The following STK3 variants were observed in gnomAD, a reference collection of about 807,000 sequenced individuals.
STK3 encodes the protein serine/threonine kinase 3.
A neutral mutation model predicts 58.0 loss-of-function variants in STK3; 41 were observed. The observed-to-expected ratio is 0.71, with a 90% CI of 0.55 to 0.92. The LOEUF (loss-of-function observed/expected upper bound fraction) is 0.92, where lower values mean the gene tolerates loss of function less well. STK3 is among the 40% of genes least tolerant of loss of function. The probability of loss-of-function intolerance (pLI) is 0.00; values close to 1 mark genes in which losing one functional copy is unlikely to be tolerated. For synonymous variants in STK3, 170 were observed against 191.0 expected, an observed-to-expected ratio of 0.89 and a Z score of 0.91; for missense variants, 479 against 602.7, an observed-to-expected ratio of 0.79 and a Z score of 2.15.
chr8:98,644,430 T>C (rs942726860), intron 6 of STK3, among the ~76,000 whole-genome samples: 12 of 152,206 alleles, frequency 7.9e-5, no homozygotes, highest in African/African-American at 2.4e-4. Flanking sequence ...ATCCATTGTA[T>C]TGAATGCATT....
chr8:98,458,679 C>T (rs1204386386), intron 10 of STK3, among the ~76,000 whole-genome samples: 5 of 152,130 alleles, frequency 3.3e-5, no homozygotes, highest in Non-Finnish European at 7.4e-5. Context: ...GGGGCAGTTT[C>T]CCTCCATGCT....
chr8:98,770,197 G>A lies in STK3; in HGVS notation c.108-2826C>T, dbSNP rs1587569594. 2.0e-5 allele frequency among the ~76,000 whole-genome samples: 3 copies of A among 152,184 alleles called. No homozygotes were observed. The East Asian group carries it at 5.8e-4, about 29-fold the overall frequency. ...TGCCTGAAGACTCTATCTACCTCCT[G>A]AGGCAGTCACTTTTCAGCAGCATGC... On this transcript the variant is annotated intron_variant, in intron 2 of 10. Coordinates refer to ENST00000419617, the MANE Select transcript of STK3 (RefSeq NM_006281.4).
chr8:98,693,451 T>C (rs1030976213), intron 6 of STK3, among the ~76,000 whole-genome samples: 7 of 151,992 alleles, frequency 4.6e-5, no homozygotes, highest in African/African-American at 1.5e-4. Flanking sequence ...AATATGGAGA[T>C]GTAGGCAGAG....
At chr8:98,734,699 G>C (rs1057387278) in intron 4 of STK3, among the ~76,000 whole-genome samples, 1 of 151,980 alleles carries the variant, frequency 6.6e-6, no homozygotes. Flanking sequence ...TAAATGTTTC[G>C]AGATGTTTAA....
chr8:98,633,559 G>T, intron 6 of STK3: 1 of 732,150 alleles, frequency 1.4e-6, no homozygotes, highest in Non-Finnish European at 2.5e-6. Context: ...ATTCTCCAGA[G>T]GCTCTTCAGG....
chr8:98,556,497 T>C (rs1263818831), intron 8 of STK3, among the ~76,000 whole-genome samples: 1 of 151,950 alleles, frequency 6.6e-6, no homozygotes. Flanking sequence ...TGGGGTAAAA[T>C]TAGGGAAGAA....
At chr8:98,872,344 G>A (rs978155448) in intron 3 of STK3, among the ~76,000 whole-genome samples, 1 of 152,134 alleles carries the variant, frequency 6.6e-6, no homozygotes, top group Non-Finnish European at 1.5e-5. Context: ...GTATCAGGAT[G>A]ATGTTGGCCT....
At chr8:98,467,648 G>T (rs1376414434) in intron 10 of STK3, among the ~76,000 whole-genome samples, 1 of 151,806 alleles carries the variant, frequency 6.6e-6, no homozygotes, top group East Asian at 1.9e-4. Context: ...TATTTTTTCA[G>T]CATGTTTAAT....
chr8:98,384,379 A>C (rs1586543951), intron 1 of STK3, among the ~76,000 whole-genome samples: 1 of 152,104 alleles, frequency 6.6e-6, no homozygotes, highest in East Asian at 1.9e-4. Flanking sequence ...TTCTTACTCC[A>C]TTCTTTTGTT....
chr8:98,448,920 T>C (rs1441549383), intron 1 of STK3, among the ~76,000 whole-genome samples: 2 of 152,138 alleles, frequency 1.3e-5, no homozygotes, highest in African/African-American at 4.8e-5. Flanking sequence ...AATTGAATAG[T>C]AAAAATGGAA....
intron 6 of STK3, among the ~76,000 whole-genome samples, chr8:98,702,893 T>C (rs1825718835): frequency 6.6e-6 from 1 of 152,204 alleles, no homozygotes; most frequent in Non-Finnish European, 1.5e-5. Context: ...TAGCCATGTA[T>C]ATGTAGTAAA....
chr8:98,837,452 C>T (rs1188372237), intron 3 of STK3, among the ~76,000 whole-genome samples: 3 of 151,196 alleles, frequency 2.0e-5, no homozygotes, highest in South Asian at 2.1e-4. Flanking sequence ...GGAGAAAAAA[C>T]GTTTCCTTTA....
At chr8:98,440,441 A>G (rs1818648111) in intron 1 of STK3, among the ~76,000 whole-genome samples, 1 of 152,224 alleles carries the variant, frequency 6.6e-6, no homozygotes, top group Non-Finnish European at 1.5e-5. Context: ...CATCACCACC[A>G]TCCAATTCCA....
At chr8:98,693,892 T>C (rs1239804652) in intron 6 of STK3, among the ~76,000 whole-genome samples, 5 of 152,256 alleles carry the variant, frequency 3.3e-5, no homozygotes, top group African/African-American at 1.2e-4. Flanking sequence ...GCTTTTCTCT[T>C]TTTTGGTGTT....
chr8:98,375,277 A>AAC (rs1371601033), intron 2 of STK3, among the ~76,000 whole-genome samples: 1 of 148,736 alleles, frequency 6.7e-6, no homozygotes, highest in Non-Finnish European at 1.5e-5. Flanking sequence ...AAAACAAAAA[A>AAC]AAACAAAAAA....
At chr8:98,402,691 C>T (rs1164480277) in intron 3 of STK3, among the ~76,000 whole-genome samples, 1 of 152,232 alleles carries the variant, frequency 6.6e-6, no homozygotes, top group Non-Finnish European at 1.5e-5. Flanking sequence ...CTCATCTGTG[C>T]AGGGCCAGCC....
At chr8:98,637,636 C>G (rs548360692) in intron 6 of STK3, among the ~76,000 whole-genome samples, 10 of 152,054 alleles carry the variant, frequency 6.6e-5, no homozygotes, top group Admixed American at 6.6e-4. Context: ...ATCAGTTTTC[C>G]CCTAATTCAA....
intron 6 of STK3, among the ~76,000 whole-genome samples, chr8:98,675,768 G>C (rs1325197999): frequency 6.6e-6 from 1 of 152,034 alleles, no homozygotes; most frequent in Non-Finnish European, 1.5e-5. Flanking sequence ...GGAGGCTGAG[G>C]CAGGAGAATG....
chr8:98,628,774 C>A (rs1225270109), intron 6 of STK3, among the ~76,000 whole-genome samples: 1 of 131,690 alleles, frequency 7.6e-6, no homozygotes, highest in African/African-American at 3.0e-5. Context: ...TGCACTCTAT[C>A]CCAGGCAATA....
Sources: gnomAD v4.1 joint callset for allele counts (sites outside exome capture counted in the v4.1 genomes callset) on GRCh38, gnomAD v4.1.1 for gene constraint, MANE v1.5 for transcripts, NCBI Gene and HGNC (gene_info 2026-07-23, HGNC 2026-07-21) for gene names.